The following SULF1 variants were observed in gnomAD, a reference collection of about 807,000 sequenced individuals.
SULF1 encodes sulfatase 1.
A neutral mutation model predicts 110.5 loss-of-function variants in SULF1; 46 were observed. The observed-to-expected ratio is 0.42, with a 90% confidence interval of 0.33 to 0.53. The LOEUF is 0.53. Ranked by LOEUF, SULF1 falls within the 20% of genes least tolerant of loss-of-function variation. The pLI, the probability that SULF1 is intolerant of heterozygous loss-of-function variation, is 0.12. For synonymous variants in SULF1, 371 were observed against 387.1 expected (o/e 0.96, Z 0.49); for missense variants, 941 against 1,094.2 (o/e 0.86, Z 1.98).
rs1812989469 is a variant in SULF1, at chr8:69,659,732, T to C, written c.*1197T>C. The C allele has an allele frequency of 6.5e-6, 1 of 153,296 alleles. No individual in the cohort carries two copies. Among genetic ancestry groups the C allele is most frequent in the Middle Eastern group, 3.2e-3 (1 of 316 alleles). 9.5% of individuals were successfully genotyped at this position (153,296 alleles called of 1,614,324 possible). A position where few individuals can be genotyped will look rare whatever the true frequency, so the allele number is the denominator to read the frequency against. The stretch of plus-strand genomic sequence containing the variant: ...ACTTCCACTGCCTGCGTAATGAAGT[T>C]TTGATTCATTTTTAACCACTGGAAT... On this transcript the variant is annotated 3_prime_UTR_variant, in exon 23 of 23. Transcript: ENST00000402687.
intron 3 of SULF1, among the ~76,000 whole-genome samples, chr8:69,551,839 C>T (rs766936045): frequency 3.9e-5 from 6 of 152,166 alleles, no homozygotes; most frequent in Non-Finnish European, 8.8e-5. Flanking sequence ...TGCCTGTAAT[C>T]CCAGCACTTT....
chr8:69,579,564 C>CAAAAAA (rs1416643898), intron 6 of SULF1, among the ~76,000 whole-genome samples: 26 of 104,980 alleles, frequency 2.5e-4, no homozygotes, highest in African/African-American at 8.4e-4. Flanking sequence ...CACACACACA[C>CAAAAAA]AAAAAAAAAA....
chr8:69,631,621 A>G (rs963417457), intron 19 of SULF1, among the ~76,000 whole-genome samples: 4 of 152,200 alleles, frequency 2.6e-5, no homozygotes, highest in African/African-American at 7.2e-5. Flanking sequence ...CTCCTATCCA[A>G]TCTTACACTG....
chr8:69,609,211 T>C (rs1030904824), intron 13 of SULF1, among the ~76,000 whole-genome samples: 3 of 151,954 alleles, frequency 2.0e-5, no homozygotes, highest in African/African-American at 7.3e-5. Context: ...CCAGGCGTGG[T>C]GGTGTGTGCC....
At chr8:69,556,724 C>T (rs140172831) in intron 3 of SULF1, among the ~76,000 whole-genome samples, 1,796 of 152,226 alleles carry the variant, frequency 0.012, 20 homozygotes, top group Non-Finnish European at 0.021. Flanking sequence ...TTAACAATAT[C>T]GCTGCCCTTC....
chr8:69,654,994 T>C (rs1233740407), intron 22 of SULF1, among the ~76,000 whole-genome samples: 1 of 152,218 alleles, frequency 6.6e-6, no homozygotes, highest in African/African-American at 2.4e-5. Flanking sequence ...TAGTACAGTA[T>C]TTTCCGTTCC....
Position 69,539,665 on chromosome 8 carries a change from G to A in SULF1, c.-133-23874G>A, listed in dbSNP as rs546373252. 9.2e-4 allele frequency among the ~76,000 whole-genome samples: 140 copies of A among 151,914 alleles called. 1 individual carries two copies. Among genetic ancestry groups the A allele is most frequent in the African/African-American group, 2.9e-3 (122 of 41,360 alleles). Reference sequence around the variant, plus strand: ...GAGGGAAAATAACTGTCCGATATGCGCAGGGCATTCCTCGAGTCTCGGGGA... The same window carrying A: ...GAGGGAAAATAACTGTCCGATATGCACAGGGCATTCCTCGAGTCTCGGGGA... On this transcript the variant is annotated intron_variant, in intron 3 of 22. Coordinates refer to ENST00000402687, the MANE Select transcript of SULF1 (RefSeq NM_001128205.2).
At chr8:69,637,653 TA>T in intron 19 of SULF1, 1 of 153,666 alleles carries the variant, frequency 6.5e-6, no homozygotes, top group South Asian at 2.0e-4. Flanking sequence ...TAGTTGTTTC[TA>T]AAAAAATTTT....
intron 8 of SULF1, among the ~76,000 whole-genome samples, chr8:69,599,578 T>C (rs1807616733): frequency 6.6e-6 from 1 of 152,226 alleles, no homozygotes; most frequent in Admixed American, 6.5e-5. Flanking sequence ...AGTTAATGTA[T>C]ATAAAATGGT....
intron 8 of SULF1, among the ~76,000 whole-genome samples, chr8:69,599,943 G>A (rs1041883286): frequency 6.6e-6 from 1 of 152,126 alleles, no homozygotes; most frequent in Non-Finnish European, 1.5e-5. Flanking sequence ...TATCCTTGTG[G>A]CTTACAGAAA....
chr8:69,550,301 A>T (rs575151025), intron 3 of SULF1, among the ~76,000 whole-genome samples: 6 of 152,132 alleles, frequency 3.9e-5, no homozygotes, highest in African/African-American at 1.2e-4. Context: ...GAGTGAAAAT[A>T]GTTCCTACTT....
chr8:69,589,238 G>A (rs988367949), intron 8 of SULF1, 97 bp downstream of exon 8: 74 of 1,180,088 alleles, frequency 6.3e-5, no homozygotes, highest in Non-Finnish European at 7.0e-5. Context: ...TCCACCCTGC[G>A]TATCCACAAG....
upstream of SULF1, among the ~76,000 whole-genome samples, chr8:69,488,875 A>G (rs1364200383): frequency 6.6e-6 from 1 of 152,060 alleles, no homozygotes; most frequent in East Asian, 1.9e-4. Flanking sequence ...CAGTAGTAAC[A>G]AGAGAATGCG....
intron 3 of SULF1, among the ~76,000 whole-genome samples, chr8:69,559,835 A>G (rs991569004): frequency 3.9e-5 from 6 of 152,182 alleles, no homozygotes; most frequent in African/African-American, 1.4e-4. Context: ...GTCAAGGTTT[A>G]ATAAAATTAG....
intron 6 of SULF1, among the ~76,000 whole-genome samples, chr8:69,581,009 T>C (rs1806024136): frequency 6.6e-6 from 1 of 152,196 alleles, no homozygotes; most frequent in East Asian, 1.9e-4. Flanking sequence ...TGTAGATTCT[T>C]GATACATGCA....
chr8:69,500,360 A>T (rs1810707137), intron 2 of SULF1, among the ~76,000 whole-genome samples: 1 of 152,184 alleles, frequency 6.6e-6, no homozygotes, highest in African/African-American at 2.4e-5. Context: ...GGCATAGAGA[A>T]ATTAAGTAAT....
chr8:69,493,694 A>C (rs1328658145), intron 1 of SULF1, among the ~76,000 whole-genome samples: 1 of 152,232 alleles, frequency 6.6e-6, no homozygotes, highest in Non-Finnish European at 1.5e-5. Flanking sequence ...AAACTGTACA[A>C]AACACTGTAG....
rs189699192 is a variant in SULF1 at position 69,583,523 on chromosome 8, G to A, written c.413-2834G>A. Among the ~76,000 whole-genome samples, 22 of 151,158 alleles carry A rather than the reference G, an allele frequency of 1.5e-4. No individual in the cohort carries two copies. In the East Asian group the frequency reaches 3.7e-3, roughly 26 times the overall value. On this transcript the variant is annotated intron_variant, in intron 6 of 22. Coordinates refer to ENST00000402687, the MANE Select transcript of SULF1 (RefSeq NM_001128205.2). ...CAAGAGGCAGAGGTTGCAGTGAGCC[G>A]AGATCACACCACTGTACTCTAGCCT...
chr8:69,615,857 G>A (rs1809062680), intron 13 of SULF1, among the ~76,000 whole-genome samples: 1 of 151,952 alleles, frequency 6.6e-6, no homozygotes, highest in African/African-American at 2.4e-5. Context: ...GTGTTCTACA[G>A]GAATCTACTT....
Sources: allele counts gnomAD v4.1 joint callset (sites outside exome capture counted in the v4.1 genomes callset), GRCh38; gene constraint gnomAD v4.1.1; transcripts MANE v1.5; gene names NCBI Gene and HGNC (gene_info 2026-07-23, HGNC 2026-07-21).